Variants in RNMT observed in about 807,000 individuals in gnomAD.
RNMT encodes the protein mRNA cap guanine-N(7) methyltransferase.
A neutral mutation model predicts 56.0 loss-of-function variants in RNMT; 27 were observed. The observed-to-expected ratio is 0.48, with a 90% CI of 0.36 to 0.67. The LOEUF (loss-of-function observed/expected upper bound fraction) is 0.67, where lower values mean the gene tolerates loss of function less well. Among genes scored for constraint, RNMT ranks in the 30% least tolerant of loss-of-function variants. RNMT has a pLI of 0.00. For synonymous variants in RNMT, 184 were observed against 176.2 expected (o/e 1.04, Z -0.35); for missense variants, 519 against 552.1 (o/e 0.94, Z 0.60).
chr18:13,733,164 G>A (rs911565113), intron 3 of RNMT, among the ~76,000 whole-genome samples: 1 of 152,076 alleles, frequency 6.6e-6, no homozygotes. Context: ...AATAGGTCAA[G>A]GATTTGTTTG....
intron 1 of RNMT, among the ~76,000 whole-genome samples, chr18:13,728,110 A>G (rs1009894024): frequency 6.6e-6 from 1 of 152,106 alleles, no homozygotes; most frequent in Non-Finnish European, 1.5e-5. Context: ...AAAACTGTTC[A>G]TCGGACAGGG....
At position 13,761,971 on chromosome 18, in the gene RNMT, G is replaced by A. The variant is rs1322437637; in HGVS notation, c.*1992G>A. 6 of 1,524,372 alleles carry A rather than the reference G, an allele frequency of 3.9e-6. No individual in the cohort carries two copies. Among genetic ancestry groups the A allele is most frequent in the Non-Finnish European group, 3.5e-6 (4 of 1,139,800 alleles). 94.4% of individuals were successfully genotyped at this position (1,524,372 alleles called of 1,614,324 possible). A position where few individuals can be genotyped will look rare whatever the true frequency, so the allele number is the denominator to read the frequency against. ...CTGCCTATCCTCTCCGATCACCAAG[G>A]TGGAAGGGAGCTAGTAGGACTCTTC... On this transcript the variant is annotated 3_prime_UTR_variant, in exon 12 of 12. Coordinates refer to ENST00000383314, the MANE Select transcript of RNMT (RefSeq NM_003799.3).
At chr18:13,732,826 A>G (rs1395729332) in intron 3 of RNMT, among the ~76,000 whole-genome samples, 1 of 144,918 alleles carries the variant, frequency 6.9e-6, no homozygotes, top group East Asian at 2.0e-4. Flanking sequence ...GCTCACTGCA[A>G]CCTCCACCTC....
At chr18:13,727,773 G>A (rs934396098) in intron 1 of RNMT, among the ~76,000 whole-genome samples, 2 of 152,082 alleles carry the variant, frequency 1.3e-5, no homozygotes, top group African/African-American at 2.4e-5. Context: ...TTCCCAGTCT[G>A]TGGTAACCAC....
At position 13,742,351 on chromosome 18, in the gene RNMT, A is replaced by G. The variant is rs1212340301; in HGVS notation, c.975-137A>G. The G allele has an allele frequency of 6.5e-5, 46 of 707,448 alleles. No homozygotes were observed. In the South Asian group the frequency reaches 7.1e-4, roughly 11 times the overall value. The allele number at this position is 707,448 out of a possible 1,614,324, so 43.8% of individuals were successfully genotyped here. ...CCTTGTCACTTTAAAAAAAAAAAAA[A>G]AAGGTAGCCCAGATATAATTAAAAG... On this transcript the variant is annotated intron_variant, in intron 7 of 11. Coordinates refer to ENST00000383314, the MANE Select transcript of RNMT (RefSeq NM_003799.3).
chr18:13,742,600 G>C lies in RNMT; in HGVS notation c.1087G>C (p.Glu363Gln), dbSNP rs1401871062. The C allele has an allele frequency of 6.2e-7, 1 of 1,613,772 alleles. No homozygotes were observed. Among genetic ancestry groups the C allele is most frequent in the Non-Finnish European group, 8.5e-7 (1 of 1,179,824 alleles). The change falls in exon 8 of 12, where the codon GAA becomes CAA. Residue 363 changes from glutamate to glutamine, a missense_variant. Glu to Gln is a conservative substitution (Grantham distance 29). Transcript: ENST00000383314. ...TGGCTGCAAATATGACTTCAACTTGGAAGGTGTTGTGGATGTTCCTGAATT... is the reference window on the plus strand; with the variant it reads ...TGGCTGCAAATATGACTTCAACTTGCAAGGTGTTGTGGATGTTCCTGAATT... ...LFGCKYDFNL[E>Q]GVVDVPEFLV...
chr18:13,752,566 T>G, intron 10 of RNMT, 139 bp downstream of exon 10: 1 of 603,446 alleles, frequency 1.7e-6, no homozygotes, highest in Non-Finnish European at 2.9e-6. Context: ...CTAAGTGATG[T>G]TGACTTGTTA....
At chr18:13,745,756 A>C (rs2044340506) in intron 8 of RNMT, among the ~76,000 whole-genome samples, 1 of 149,706 alleles carries the variant, frequency 6.7e-6, no homozygotes. Flanking sequence ...AAAACCTGTA[A>C]GTGAAAAGGA....
Position 13,743,349 on chromosome 18 carries a change from TAAA to T in RNMT, c.1139+698_1139+700del, listed in dbSNP as rs754710745. Among the ~76,000 whole-genome samples, 119 of 144,804 alleles carry T rather than the reference TAAA, an allele frequency of 8.2e-4. 2 individuals are homozygous for T. The highest frequency in any genetic ancestry group is 1.3e-3 in the Non-Finnish European group (84 of 66,254). The allele number at this position is 144,804 out of a possible 152,430, so 95.0% of individuals were successfully genotyped here. On this transcript the variant is annotated intron_variant, in intron 8 of 11. Transcript: ENST00000383314. Reference sequence around the variant, plus strand: ...AAAAAAAAATAAATAAATAAATAAATAAATAAATAAATAAATAAATAAATCAAA... The same window carrying T: ...AAAAAAAAATAAATAAATAAATAAATTAAATAAATAAATAAATAAATCAAA...
intron 3 of RNMT, 75 bp from the exon 4 acceptor site, chr18:13,734,383 CCATTCA>C: frequency 1.6e-6 from 2 of 1,229,688 alleles, no homozygotes; most frequent in Non-Finnish European, 2.3e-6. Flanking sequence ...AGCATTTTAT[CCATTCA>C]CAGGTCAAAT....
Position 13,761,465 on chromosome 18 carries a change from A to G in RNMT, c.*1486A>G, listed in dbSNP as rs1409397955. 1.0e-6 allele frequency: 1 copy of G among 986,162 alleles called. No homozygotes were observed. Among genetic ancestry groups the G allele is most frequent in the African/African-American group, 1.7e-5 (1 of 57,252 alleles). The allele number at this position is 986,162 out of a possible 1,614,324, so 61.1% of individuals were successfully genotyped here. A position where few individuals can be genotyped will look rare whatever the true frequency, so the allele number is the denominator to read the frequency against. ...TATTGATAGCTTTGTAGGTACAGGA[A>G]AAACATCATCATTATTTCCTCTGTT... On this transcript the variant is annotated 3_prime_UTR_variant, in exon 12 of 12. Coordinates refer to ENST00000383314, the MANE Select transcript of RNMT (RefSeq NM_003799.3).
rs540255396 is a variant in RNMT at position 13,764,168 on chromosome 18, G to A, written c.*4189G>A. The A allele has an allele frequency of 4.5e-4, 68 of 152,306 alleles. 1 individual carries two copies. The highest frequency in any genetic ancestry group is 4.4e-3 in the Admixed American group (68 of 15,304). 9.4% of individuals were successfully genotyped at this position (152,306 alleles called of 1,614,324 possible). On this transcript the variant is annotated 3_prime_UTR_variant, in exon 12 of 12. Coordinates refer to ENST00000383314, the MANE Select transcript of RNMT (RefSeq NM_003799.3). ...AAAGTGAGAGGCTGAGAGCAAAGGA[G>A]ACATTTTTTTCAGTTTTGAGTCGAG...
intron 5 of RNMT, among the ~76,000 whole-genome samples, chr18:13,739,357 G>A (rs1052030907): frequency 1.3e-5 from 2 of 152,172 alleles, no homozygotes; most frequent in Admixed American, 6.5e-5. Flanking sequence ...AAATGAAACT[G>A]TTTTTCTCCC....
intron 1 of RNMT, chr18:13,726,969 GCAGCTCGAAGAGCTGCTC>G (rs561178028): frequency 6.6e-6 from 1 of 152,324 alleles, no homozygotes; most frequent in Admixed American, 6.5e-5. Flanking sequence ...GGTGGGAGAA[GCAGCTCGAAGAGCTGCTC>G]CAGCTCGCGC....
intron 9 of RNMT, among the ~76,000 whole-genome samples, chr18:13,746,935 C>G (rs1010505725): frequency 6.6e-6 from 1 of 152,214 alleles, no homozygotes; most frequent in African/African-American, 2.4e-5. Flanking sequence ...TGAGACCTCT[C>G]CTGTCCTAAT....
chr18:13,731,681 T>A lies in RNMT; in HGVS notation c.164T>A (p.Ile55Lys), dbSNP rs778181249. ...ACTTCTGTCTGTAGGCAAGTAGACA[T>A]AGCAAGAAAGAGAAAAGAGTTTGAA... The part of the protein sequence containing the change: ...EKTSVCRQVD[I>K]ARKRKEFEDD... The change falls in exon 3 of 12, where the codon ATA becomes AAA. Residue 55 changes from isoleucine to lysine, a missense_variant. By Grantham distance (102) the Ile-to-Lys change is moderately radical. Coordinates refer to ENST00000383314, the MANE Select transcript of RNMT (RefSeq NM_003799.3). 3 of 1,613,874 alleles carry A rather than the reference T, an allele frequency of 1.9e-6. No homozygotes were observed. Among genetic ancestry groups the A allele is most frequent in the Non-Finnish European group, 2.5e-6 (3 of 1,180,002 alleles).
Position 13,750,261 on chromosome 18 carries a change from C to T in RNMT, c.1258-2065C>T, listed in dbSNP as rs117179683. 8.2e-4 allele frequency among the ~76,000 whole-genome samples: 125 copies of T among 152,206 alleles called. 2 individuals carry two copies. In the East Asian group the frequency reaches 0.021, roughly 26 times the overall value. ...TTTTGGAGGCTGGATTATTAAACAGCGTTCTATGTTGTCTTGACTTTTTCA... is the reference window on the plus strand; with the variant it reads ...TTTTGGAGGCTGGATTATTAAACAGTGTTCTATGTTGTCTTGACTTTTTCA... On this transcript the variant is annotated intron_variant, in intron 9 of 11. Transcript: ENST00000383314.
rs1205935590 is a variant in RNMT at position 13,746,675 on chromosome 18, CTAG to C, written c.1257+339_1257+341del. ...CAGTAGCATTCCTGGCTTCTACGCA[CTAG>C]ATGCCTTCCAGTAACACTCTTGTCC... is the stretch of plus-strand genomic sequence containing the variant. On this transcript the variant is annotated intron_variant, in intron 9 of 11. Transcript: ENST00000383314. Among the ~76,000 whole-genome samples, 27 of 152,338 alleles carry C rather than the reference CTAG, an allele frequency of 1.8e-4. No homozygotes were observed. The South Asian group carries it at 4.8e-3, about 27-fold the overall frequency.
intron 8 of RNMT, 41 bp from the exon 9 acceptor site, chr18:13,746,179 A>G: frequency 9.6e-7 from 1 of 1,039,352 alleles, no homozygotes; most frequent in Non-Finnish European, 1.4e-6. Context: ...GGAATTACAA[A>G]CATGTGGAAG....
Sources: allele counts gnomAD v4.1 joint callset (sites outside exome capture counted in the v4.1 genomes callset), GRCh38; gene constraint gnomAD v4.1.1; transcripts MANE v1.5; gene names NCBI Gene and HGNC (gene_info 2026-07-23, HGNC 2026-07-21).